PTPRN2: variants seen among roughly 807,000 people sequenced by gnomAD.
PTPRN2 encodes protein tyrosine phosphatase receptor type N2, also known as receptor-type tyrosine-protein phosphatase N2.
PTPRN2 carries 74 observed loss-of-function variants against 118.8 expected under a neutral mutation model. That is an observed-to-expected ratio of 0.62 (90% CI 0.52 to 0.76). The LOEUF is 0.76. Ranked by LOEUF, PTPRN2 falls within the 30% of genes least tolerant of loss-of-function variation. The probability of loss-of-function intolerance (pLI) is 0.00; values close to 1 mark genes in which losing one functional copy is unlikely to be tolerated. For missense variants in PTPRN2, 1,481 were observed against 1,394.4 expected, an observed-to-expected ratio of 1.06 and a Z score of -0.99; for synonymous variants, 641 against 608.0, an observed-to-expected ratio of 1.05 and a Z score of -0.80.
At chr7:157,843,453 C>T (rs77613387) in intron 12 of PTPRN2, among the ~76,000 whole-genome samples, 21 of 152,308 alleles carry the variant, frequency 1.4e-4, no homozygotes, top group Admixed American at 7.2e-4. Context: ...CCTGGCTGTG[C>T]GTTCTCTGCC....
At chr7:157,673,952 T>A (rs1397924002) in intron 13 of PTPRN2, among the ~76,000 whole-genome samples, 1 of 152,220 alleles carries the variant, frequency 6.6e-6, no homozygotes, top group Admixed American at 6.5e-5. Context: ...GTCCCCGTTG[T>A]TCCAGAATAT....
Position 157,671,556 on chromosome 7 carries a change from C to A in PTPRN2, c.2001+11169G>T, listed in dbSNP as rs1232884639. Among the ~76,000 whole-genome samples the A allele has an allele frequency of 6.6e-6, 1 of 152,004 alleles. No homozygotes were observed. The highest frequency in any genetic ancestry group is 2.4e-5 in the African/African-American group (1 of 41,360). On this transcript the variant is annotated intron_variant, in intron 13 of 22. Transcript: ENST00000389418. The surrounding 1 kb of genome is among the most constrained non-coding windows in gnomAD (Gnocchi z 4.1). Reference sequence around the variant, plus strand: ...GGTGCAACGGAGGGAGCCGGGCAAACAAAGGCTCAGAAGCAGAGGAGCCCA... The same window carrying A: ...GGTGCAACGGAGGGAGCCGGGCAAAAAAAGGCTCAGAAGCAGAGGAGCCCA...
intron 3 of PTPRN2, among the ~76,000 whole-genome samples, chr7:158,238,670 G>A (rs574790187): frequency 2.0e-4 from 30 of 152,268 alleles, no homozygotes; most frequent in South Asian, 4.2e-4. Flanking sequence ...AGCACGGGTC[G>A]CAGCTCCACA....
intron 21 of PTPRN2, among the ~76,000 whole-genome samples, chr7:157,552,803 C>T (rs560714644): frequency 3.5e-4 from 53 of 152,310 alleles, no homozygotes; most frequent in African/African-American, 1.0e-3. Flanking sequence ...GTTTCCGCTC[C>T]GCGTGCCTAT....
intron 2 of PTPRN2, among the ~76,000 whole-genome samples, chr7:158,320,502 G>A (rs1418551833): frequency 1.6e-5 from 2 of 122,052 alleles, no homozygotes; most frequent in Non-Finnish European, 3.6e-5. Flanking sequence ...CGCCCCCATC[G>A]CCCGCATCCT....
In PTPRN2 at chr7:158,369,801, A is replaced by G. The variant is rs192848886; in HGVS notation, c.164-52869T>C. Among the ~76,000 whole-genome samples, 37 of 152,322 alleles carry G rather than the reference A, an allele frequency of 2.4e-4. 1 individual carries two copies. The Middle Eastern group carries it at 0.01, about 42-fold the overall frequency. On this transcript the variant is annotated intron_variant, in intron 2 of 22. Transcript: ENST00000389418. ...TAGGTTTTAAAAATTACAGTTGGAAACCCATGTAAATTCTAAAAAGCATCT... is the reference window on the plus strand; with the variant it reads ...TAGGTTTTAAAAATTACAGTTGGAAGCCCATGTAAATTCTAAAAAGCATCT...
At chr7:158,246,005 C>T (rs545491653) in intron 3 of PTPRN2, among the ~76,000 whole-genome samples, 4 of 152,066 alleles carry the variant, frequency 2.6e-5, no homozygotes, top group East Asian at 1.9e-4. Flanking sequence ...GCAGCGAGAC[C>T]GTCAGGGTGC....
At chr7:157,595,959 C>T (rs938505612) in intron 16 of PTPRN2, among the ~76,000 whole-genome samples, 9 of 152,198 alleles carry the variant, frequency 5.9e-5, no homozygotes, top group South Asian at 2.1e-4. Context: ...TCAGCAGGTG[C>T]GACCCCATGA....
In PTPRN2 at chr7:158,570,468, G is replaced by A. The variant is rs1388256139; in HGVS notation, c.112+17090C>T. ...TCCTCACAGACGGACTCTGCACCGT[G>A]AGAAAGCGGCTTCGGCAGCTCCGAC... On this transcript the variant is annotated intron_variant, in intron 1 of 22. Transcript: ENST00000389418. The surrounding 1 kb of genome is among the most constrained non-coding windows in gnomAD (Gnocchi z 4.5). Among the ~76,000 whole-genome samples the A allele has an allele frequency of 6.6e-6, 1 of 152,316 alleles. No individual in the cohort carries two copies. The highest frequency in any genetic ancestry group is 1.9e-4 in the East Asian group (1 of 5,176).
intron 13 of PTPRN2, among the ~76,000 whole-genome samples, chr7:157,669,731 T>C (rs994288157): frequency 6.6e-6 from 1 of 152,240 alleles, no homozygotes; most frequent in African/African-American, 2.4e-5. Flanking sequence ...CTCTTCTAAA[T>C]GTGGAACAGT....
intron 1 of PTPRN2, among the ~76,000 whole-genome samples, chr7:158,505,984 G>A (rs543107621): frequency 3.3e-5 from 5 of 152,338 alleles, no homozygotes; most frequent in East Asian, 1.9e-4. Flanking sequence ...AGAGCCCACC[G>A]CGCGTCCTCA....
At chr7:158,092,217 T>TAC (rs1249226060) in intron 10 of PTPRN2, among the ~76,000 whole-genome samples, 4 of 151,184 alleles carry the variant, frequency 2.6e-5, no homozygotes, top group South Asian at 4.2e-4. Context: ...TATATATATA[T>TAC]ACACACATAT....
In PTPRN2 at chr7:158,047,616, AGCATGTGAGGGCTGCCTGCAGTCACTGC is replaced by A. The variant is rs1348098861; in HGVS notation, c.1723+33654_1723+33681del. Among the ~76,000 whole-genome samples, 4 of 152,198 alleles carry A rather than the reference AGCATGTGAGGGCTGCCTGCAGTCACTGC, an allele frequency of 2.6e-5. No homozygotes were observed. The East Asian group carries it at 7.7e-4, about 29-fold the overall frequency. On this transcript the variant is annotated intron_variant, in intron 11 of 22. Coordinates refer to ENST00000389418, the MANE Select transcript of PTPRN2 (RefSeq NM_002847.5). ...GTGCAAGGGCTACCTGCAGTCACTG[AGCATGTGAGGGCTGCCTGCAGTCACTGC>A]GCTTGGGAGAGGAGGCACGGCACAT...
chr7:158,153,125 G>A (rs760717772), intron 6 of PTPRN2, among the ~76,000 whole-genome samples: 35 of 152,304 alleles, frequency 2.3e-4, no homozygotes, highest in African/African-American at 6.7e-4. Flanking sequence ...ATCGACCAGC[G>A]GAACGATGCC....
intron 11 of PTPRN2, among the ~76,000 whole-genome samples, chr7:157,949,288 G>C (rs540739679): frequency 7.9e-5 from 12 of 152,324 alleles, no homozygotes; most frequent in African/African-American, 2.9e-4. Context: ...TGTTGTGAAT[G>C]TACCAAGTGC....
Position 157,622,065 on chromosome 7 carries a change from A to G in PTPRN2, c.2197-556T>C, listed in dbSNP as rs950188490. ...CTGGTGCTTGTCGTTGAGCATTACT[A>G]TGAGTAGACAAGGAAACAAAGGCCT... is the stretch of plus-strand genomic sequence containing the variant. On this transcript the variant is annotated intron_variant, in intron 14 of 22. Transcript: ENST00000389418. This position sits in a 1 kb window ranked among gnomAD's most constrained non-coding sequence, Gnocchi z 5.3. Among the ~76,000 whole-genome samples, 2 of 152,028 alleles carry G rather than the reference A, an allele frequency of 1.3e-5. No homozygotes were observed. Among genetic ancestry groups the G allele is most frequent in the East Asian group, 1.9e-4 (1 of 5,182 alleles).
chr7:157,852,948 A>G (rs2164224), intron 12 of PTPRN2, among the ~76,000 whole-genome samples: 76,483 of 151,224 alleles, frequency 0.51, 19,963 homozygotes, highest in South Asian at 0.61. Flanking sequence ...CGGAGTGGCC[A>G]TGCCACCAGC....
At chr7:157,886,281 G>A (rs1796441620) in intron 12 of PTPRN2, among the ~76,000 whole-genome samples, 1 of 152,134 alleles carries the variant, frequency 6.6e-6, no homozygotes, top group Non-Finnish European at 1.5e-5. Flanking sequence ...CCCCACCTCA[G>A]ACAATAAGCC....
intron 2 of PTPRN2, among the ~76,000 whole-genome samples, chr7:158,450,453 A>G (rs1010712110): frequency 1.3e-5 from 2 of 152,242 alleles, no homozygotes; most frequent in African/African-American, 4.8e-5. Flanking sequence ...ACAAAAACGC[A>G]TCGTATAGCA....
Sources: gnomAD v4.1 joint callset for allele counts (sites outside exome capture counted in the v4.1 genomes callset) on GRCh38, gnomAD v4.1.1 for gene constraint, Gnocchi (gnomAD v3.1) non-coding constraint, MANE v1.5 for transcripts, NCBI Gene and HGNC (gene_info 2026-07-23, HGNC 2026-07-21) for gene names.